Variants in CASP6 observed in about 807,000 individuals in gnomAD.
CASP6 encodes caspase 6, also known as caspase-6.
Under a neutral mutation model 31.8 loss-of-function variants are expected in CASP6, and 20 were observed. That is an observed-to-expected ratio of 0.63 (90% CI 0.44 to 0.91). The LOEUF is 0.91. Ranked by LOEUF, CASP6 falls within the 40% of genes least tolerant of loss-of-function variation. The pLI is 0.00. For synonymous variants in CASP6, 130 were observed against 127.8 expected (o/e 1.02, Z -0.12); for missense variants, 328 against 361.1 (o/e 0.91, Z 0.74).
In CASP6 at chr4:109,694,508, A is replaced by G. The variant is rs5030675; in HGVS notation, c.483+17T>C. 5.8e-3 allele frequency: 8,987 copies of G among 1,540,576 alleles called. 43 individuals are homozygous for G. Among genetic ancestry groups the G allele is most frequent in the Non-Finnish European group, 6.6e-3 (7,587 of 1,144,748 alleles). ...TGACAGACTTTATAATTAAGATGAT[A>G]ATGTACTCAGTCTTACCTGAATGAT... On this transcript the variant is annotated intron_variant, in intron 5 of 6. Transcript: ENST00000265164.
At chr4:109,695,670 G>A (rs1255482863) in intron 4 of CASP6, among the ~76,000 whole-genome samples, 17 of 151,780 alleles carry the variant, frequency 1.1e-4, no homozygotes, top group African/African-American at 4.1e-4. Flanking sequence ...GAACCCAGGA[G>A]GTGGAGGCTG....
At chr4:109,678,745 G>A in the CASP6 span, among the ~76,000 whole-genome samples, 1,031 of 147,586 alleles carry the variant, frequency 7.0e-3, 19 homozygotes, top group South Asian at 0.058. Context: ...CATCCCAGAC[G>A]GGGCGGCCGG....
upstream of CASP6, among the ~76,000 whole-genome samples, chr4:109,708,005 A>G (rs1031596752): frequency 3.3e-5 from 5 of 152,308 alleles, no homozygotes; most frequent in South Asian, 2.1e-4. Context: ...GCAACCTTAG[A>G]GTGGGAAAAA....
At chr4:109,692,129 TAAAA>T (rs1341861814) in intron 5 of CASP6, 1 of 152,218 alleles carries the variant, frequency 6.6e-6, no homozygotes, top group Non-Finnish European at 1.5e-5. Flanking sequence ...TTTCAAATCA[TAAAA>T]TAAATAGAAA....
chr4:109,703,495 C>A, upstream of CASP6: 1 of 1,474,294 alleles, frequency 6.8e-7, no homozygotes, highest in Non-Finnish European at 9.2e-7. Flanking sequence ...CGGCCCCGCC[C>A]CCTGCCCCCG....
upstream of CASP6, among the ~76,000 whole-genome samples, chr4:109,705,548 G>A (rs547890293): frequency 1.5e-4 from 23 of 152,202 alleles, no homozygotes; most frequent in Admixed American, 1.4e-3. Context: ...TCTGAGCAAA[G>A]TAAATTGAAA....
At chr4:109,706,032 A>ATATAAT (rs1419095475), upstream of CASP6, among the ~76,000 whole-genome samples, 3 of 93,832 alleles carry the variant, frequency 3.2e-5, no homozygotes, top group Admixed American at 1.1e-4. Context: ...ATATATATAT[A>ATATAAT]ATATATATAA....
the CASP6 span, among the ~76,000 whole-genome samples, chr4:109,665,990 GA>G: frequency 6.6e-6 from 1 of 151,838 alleles, no homozygotes; most frequent in Admixed American, 6.6e-5. Context: ...GAAGAAGGGG[GA>G]AAGGAAGAGA....
chr4:109,684,424 G>GT, downstream of CASP6: 1 of 1,583,900 alleles, frequency 6.3e-7, no homozygotes, highest in Non-Finnish European at 8.6e-7. Context: ...AGAATTAACA[G>GT]TTTTTCATTC....
chr4:109,673,815 C>G, the CASP6 span: 35 of 709,954 alleles, frequency 4.9e-5, no homozygotes, highest in Non-Finnish European at 5.9e-5. Flanking sequence ...GGTTTTTTCG[C>G]TCTAGGGAGA....
At chr4:109,703,456 G>GCCCGGC (rs943090161), upstream of CASP6, 9 of 1,572,586 alleles carry the variant, frequency 5.7e-6, no homozygotes, top group Admixed American at 1.8e-5. Flanking sequence ...AGGCTCCCGG[G>GCCCGGC]CCCGGCCCCG....
intron 3 of CASP6, among the ~76,000 whole-genome samples, chr4:109,696,919 G>A (rs1225841584): frequency 6.6e-6 from 1 of 151,712 alleles, no homozygotes; most frequent in Non-Finnish European, 1.5e-5. Flanking sequence ...CCGAGTAGCT[G>A]GGACTACAGG....
chr4:109,693,671 C>T (rs1579108133), intron 5 of CASP6, among the ~76,000 whole-genome samples: 2 of 135,144 alleles, frequency 1.5e-5, no homozygotes, highest in Non-Finnish European at 3.1e-5. Context: ...GGGGACAGAG[C>T]GAGACTCCAT....
chr4:109,689,347 A>G lies in CASP6; in HGVS notation c.865T>C (p.Phe289Leu). The change falls in exon 7 of 7, where the codon TTT (phenylalanine) becomes CTT (leucine). Residue 289 changes from phenylalanine (F) to leucine (L), a missense_variant. Phe to Leu is a conservative substitution (Grantham distance 22, BLOSUM62 0). Coordinates refer to ENST00000265164, the MANE Select transcript of CASP6 (RefSeq NM_001226.4). ...ASMLTKKLHF[F>L]PKSN ...TCTATTAATTAATTAGATTTTGGAA[A>G]GAAATGCAGCTTTTTAGTTAGCATT... is the stretch of plus-strand genomic sequence containing the variant. The G allele has an allele frequency of 1.2e-6, 2 of 1,613,816 alleles. No individual in the cohort carries two copies. The highest frequency in any genetic ancestry group is 1.7e-6 in the Non-Finnish European group (2 of 1,179,836).
At chr4:109,693,146 G>A (rs1730128043) in intron 5 of CASP6, among the ~76,000 whole-genome samples, 1 of 152,068 alleles carries the variant, frequency 6.6e-6, no homozygotes, top group Non-Finnish European at 1.5e-5. Flanking sequence ...TCATATGCTG[G>A]CTCTCTGTCA....
At chr4:109,681,606 G>A in the CASP6 span, 1 of 301,906 alleles carries the variant, frequency 3.3e-6, no homozygotes, top group East Asian at 1.0e-4. Context: ...CGTGGGTCAC[G>A]GAAGACAACC....
At chr4:109,673,170 T>C in the CASP6 span, among the ~76,000 whole-genome samples, 1 of 152,214 alleles carries the variant, frequency 6.6e-6, no homozygotes, top group African/African-American at 2.4e-5. Context: ...TAAGATATTA[T>C]ACAACTTTCA....
intron 1 of CASP6, chr4:109,702,812 GCTGGCCGCCAGGAA>G (rs997693381): frequency 6.5e-6 from 1 of 153,030 alleles, no homozygotes; most frequent in Admixed American, 6.5e-5. Flanking sequence ...ACCGGGGTGT[GCTGGCCGCCAGGAA>G]CTGGCCGCCT....
rs768947292 is a variant in CASP6 at position 109,703,350 on chromosome 4, G to C, written c.40+6C>G. On this transcript the variant is annotated splice_donor_region_variant and intron_variant, in intron 1 of 6. Transcript: ENST00000265164. ...GCTCGGTGCCCAGTCGACGCCCCCTGCCTACCTGCCGGGTGCCCCCTGCGG... is the reference window on the plus strand; with the variant it reads ...GCTCGGTGCCCAGTCGACGCCCCCTCCCTACCTGCCGGGTGCCCCCTGCGG... The C allele has an allele frequency of 1.9e-6, 3 of 1,608,914 alleles. No individual in the cohort carries two copies. Among genetic ancestry groups the C allele is most frequent in the Non-Finnish European group, 2.5e-6 (3 of 1,178,088 alleles).
Sources: gnomAD v4.1 joint callset for allele counts (sites outside exome capture counted in the v4.1 genomes callset) on GRCh38, gnomAD v4.1.1 for gene constraint, MANE v1.5 for transcripts, NCBI Gene and HGNC (gene_info 2026-07-23, HGNC 2026-07-21) for gene names.